Variants in DCDC2 observed in about 807,000 individuals in gnomAD.
DCDC2 encodes the protein doublecortin domain-containing protein 2.
In DCDC2, 40 loss-of-function variants were observed where a neutral mutation model predicts 50.2. The observed-to-expected ratio is 0.80, with a 90% CI of 0.62 to 1.04. The LOEUF (loss-of-function observed/expected upper bound fraction) is 1.04. Ranked by LOEUF, DCDC2 falls within the 50% of genes least tolerant of loss-of-function variation. The pLI, the probability that DCDC2 is intolerant of heterozygous loss-of-function variation, is 0.00. For synonymous variants in DCDC2, 234 were observed against 210.6 expected, an observed-to-expected ratio of 1.11 and a Z score of -0.96; for missense variants, 570 against 581.9, an observed-to-expected ratio of 0.98 and a Z score of 0.21.
chr6:24,315,932 A>G (rs1026031108), intron 2 of DCDC2, among the ~76,000 whole-genome samples: 8 of 152,150 alleles, frequency 5.3e-5, no homozygotes, highest in Non-Finnish European at 1.2e-4. Flanking sequence ...TTCCTGGGGG[A>G]TGACTGAGGA....
chr6:24,185,470 G>A (rs1761169992), intron 8 of DCDC2, among the ~76,000 whole-genome samples: 1 of 152,130 alleles, frequency 6.6e-6, no homozygotes, highest in Admixed American at 6.5e-5. Context: ...AATATCCTGA[G>A]TCTGGAACAA....
intron 6 of DCDC2, among the ~76,000 whole-genome samples, chr6:24,287,788 T>C (rs997789146): frequency 1.1e-4 from 17 of 152,224 alleles, no homozygotes; most frequent in African/African-American, 4.1e-4. Flanking sequence ...AGTCCTTCCC[T>C]CCCTCTCATG....
intron 7 of DCDC2, among the ~76,000 whole-genome samples, chr6:24,238,723 T>A (rs1417690564): frequency 6.6e-6 from 1 of 152,200 alleles, no homozygotes; most frequent in East Asian, 1.9e-4. Flanking sequence ...TGAGCATCAA[T>A]ATCTGTCTTC....
At chr6:24,246,777 G>T (rs77491044) in intron 7 of DCDC2, among the ~76,000 whole-genome samples, 16 of 151,978 alleles carry the variant, frequency 1.1e-4, no homozygotes, top group Non-Finnish European at 1.0e-4. Context: ...ATGAGCCACC[G>T]TGCCTGGCCC....
At position 24,252,001 on chromosome 6, in the gene DCDC2, T is replaced by C. The variant is rs536413411; in HGVS notation, c.922+26048A>G. Reference sequence around the variant, plus strand: ...TTGGCATTTAAGGCTCCTTATGACCTAGTCCCAGCCTACCTCTATGGACCA... The same window carrying C: ...TTGGCATTTAAGGCTCCTTATGACCCAGTCCCAGCCTACCTCTATGGACCA... On this transcript the variant is annotated intron_variant, in intron 7 of 9. Transcript: ENST00000378454. Among the ~76,000 whole-genome samples the C allele has an allele frequency of 7.2e-5, 11 of 152,326 alleles. No homozygotes were observed. In the East Asian group the frequency reaches 1.9e-3, roughly 27 times the overall value.
chr6:24,283,966 CCATGTCTTCATGTATTTTTATT>C (rs1357225326), intron 6 of DCDC2, among the ~76,000 whole-genome samples: 1 of 152,180 alleles, frequency 6.6e-6, no homozygotes, highest in African/African-American at 2.4e-5. Flanking sequence ...CTTCCTCTTC[CCATGTCTTCATGTATTTTTATT>C]CATGTTTATC....
intron 7 of DCDC2, among the ~76,000 whole-genome samples, chr6:24,260,298 C>G (rs1762981584): frequency 6.6e-6 from 1 of 152,194 alleles, no homozygotes; most frequent in Non-Finnish European, 1.5e-5. Context: ...TCTAGGCTCT[C>G]TCATTTCTGG....
chr6:24,236,002 G>T (rs1341403457), intron 7 of DCDC2, among the ~76,000 whole-genome samples: 1 of 152,082 alleles, frequency 6.6e-6, no homozygotes, highest in South Asian at 2.1e-4. Context: ...AAGAGCCAAT[G>T]TCATTAAAAT....
rs1325422516 is a variant in DCDC2, at chr6:24,302,042, T to C, written c.351A>G (p.Val117=). The C allele has an allele frequency of 1.9e-6, 3 of 1,608,166 alleles. No individual in the cohort carries two copies. The Admixed American group carries it at 5.2e-5, about 28-fold the overall frequency. ...TGATCCTGCTATGGATTACTGGTTT[T>C]ACCTTTAAAAGCAAAGGAAAAAAAA... The part of the protein sequence containing the change: ...KRPMEVVNTE[V]KPVIHSRINV... The change falls in exon 3 of 10, where the codon GTA becomes GTG. Residue 117 remains valine, a splice_region_variant and synonymous_variant. Coordinates refer to ENST00000378454, the MANE Select transcript of DCDC2 (RefSeq NM_016356.5).
At chr6:24,242,647 C>A (rs546061003) in intron 7 of DCDC2, among the ~76,000 whole-genome samples, 1 of 152,236 alleles carries the variant, frequency 6.6e-6, no homozygotes, top group African/African-American at 2.4e-5. Flanking sequence ...GGCAGGTAGT[C>A]AATAAATGCT....
intron 7 of DCDC2, among the ~76,000 whole-genome samples, chr6:24,264,263 A>G (rs1763070404): frequency 1.3e-5 from 2 of 152,256 alleles, no homozygotes; most frequent in Admixed American, 6.5e-5. Context: ...AGAAAAGGAC[A>G]TTAATAAGCA....
intron 2 of DCDC2, among the ~76,000 whole-genome samples, chr6:24,321,416 G>A (rs967585703): frequency 2.0e-5 from 3 of 152,126 alleles, no homozygotes; most frequent in Non-Finnish European, 2.9e-5. Context: ...AGACATCACC[G>A]TAACCAACTG....
At chr6:24,273,764 C>T (rs1025075182) in intron 7 of DCDC2, among the ~76,000 whole-genome samples, 5 of 152,192 alleles carry the variant, frequency 3.3e-5, no homozygotes, top group African/African-American at 9.7e-5. Flanking sequence ...ATTGCAGTAA[C>T]GCTTCATGCT....
At position 24,178,506 on chromosome 6, in the gene DCDC2, C is replaced by T; in HGVS notation, c.1150G>A (p.Ala384Thr). 1 of 1,614,162 alleles carries T rather than the reference C, an allele frequency of 6.2e-7. No individual in the cohort carries two copies. ...EEEGGREATD[A>T]PEQVEEILDH... is the part of the protein sequence containing the mutation. ...AGAATCTCCTCGACTTGCTCAGGGG[C>T]ATCTGTAGCCTCCCTACCTCCTTCC... The change falls in exon 9 of 10, where the codon GCC becomes ACC. Residue 384 changes from alanine (A) to threonine (T), a missense_variant. Physicochemically the swap from Ala to Thr is moderately conservative, Grantham distance 58 (BLOSUM62 0). Coordinates refer to ENST00000378454, the MANE Select transcript of DCDC2 (RefSeq NM_016356.5).
At chr6:24,302,153 C>A in intron 2 of DCDC2, 109 bp from the exon 3 acceptor site, 1 of 928,196 alleles carries the variant, frequency 1.1e-6, no homozygotes, top group African/African-American at 1.7e-5. Context: ...CTTCCTGTGC[C>A]TTTGTTAAAA....
rs140370266 is a variant in DCDC2 at position 24,248,444 on chromosome 6, G to A, written c.922+29605C>T. On this transcript the variant is annotated intron_variant, in intron 7 of 9. Transcript: ENST00000378454. ...TTAAGAAAATTAAATTATACAACAT[G>A]CACAAAGAACTCAATATACTGCCTG... Among the ~76,000 whole-genome samples, 15 of 152,230 alleles carry A rather than the reference G, an allele frequency of 9.9e-5. No individual in the cohort carries two copies. In the East Asian group the frequency reaches 2.9e-3, roughly 29 times the overall value.
At chr6:24,267,393 G>A (rs1763145050) in intron 7 of DCDC2, among the ~76,000 whole-genome samples, 1 of 152,158 alleles carries the variant, frequency 6.6e-6, no homozygotes, top group African/African-American at 2.4e-5. Context: ...TTATATGCCT[G>A]TATCGAAATA....
At chr6:24,221,881 G>A (rs557398115) in intron 7 of DCDC2, among the ~76,000 whole-genome samples, 2 of 152,334 alleles carry the variant, frequency 1.3e-5, no homozygotes, top group African/African-American at 4.8e-5. Flanking sequence ...CATCACCACT[G>A]TTAAGGCACT....
At chr6:24,216,527 CA>C (rs1199613116) in intron 7 of DCDC2, among the ~76,000 whole-genome samples, 2 of 152,130 alleles carry the variant, frequency 1.3e-5, no homozygotes, top group African/African-American at 4.8e-5. Flanking sequence ...TGAAGACAAG[CA>C]GTACAGACGA....
Sources: gnomAD v4.1 joint callset for allele counts (sites outside exome capture counted in the v4.1 genomes callset) on GRCh38, gnomAD v4.1.1 for gene constraint, MANE v1.5 for transcripts, NCBI Gene and HGNC (gene_info 2026-07-23, HGNC 2026-07-21) for gene names.